The following AKAP13 variants were observed in gnomAD, a reference collection of about 807,000 sequenced individuals.
The protein encoded by AKAP13 is A-kinase anchor protein 13.
AKAP13 carries 80 observed loss-of-function variants against 264.5 expected under a neutral mutation model. That is an observed-to-expected ratio of 0.30 (90% confidence interval 0.25 to 0.36). The LOEUF (loss-of-function observed/expected upper bound fraction) is 0.36. AKAP13 is among the 10% of genes least tolerant of loss of function. The pLI is 1.00. For synonymous variants in AKAP13, 1,380 were observed against 1,250.2 expected (o/e 1.10, Z -2.19); for missense variants, 3,712 against 3,435.2 (o/e 1.08, Z -2.01).
intron 8 of AKAP13, among the ~76,000 whole-genome samples, chr15:85,633,539 T>TC (rs2081945961): frequency 5.6e-5 from 4 of 71,384 alleles, no homozygotes; most frequent in African/African-American, 1.4e-4. Flanking sequence ...TTTTTTCTTT[T>TC]TTTTTTTTTT....
intron 8 of AKAP13, 45 bp from the exon 9 acceptor site, chr15:85,639,329 A>T: frequency 7.3e-7 from 1 of 1,373,400 alleles, no homozygotes; most frequent in Non-Finnish European, 1.0e-6. Context: ...AAATTATCTC[A>T]CATTACTTCA....
intron 1 of AKAP13, among the ~76,000 whole-genome samples, chr15:85,413,071 T>C (rs2072059538): frequency 6.6e-6 from 1 of 152,230 alleles, no homozygotes; most frequent in Non-Finnish European, 1.5e-5. Flanking sequence ...GATGTTCTGC[T>C]GCCTCACAGA....
chr15:85,488,121 G>C (rs1222530124), intron 2 of AKAP13, among the ~76,000 whole-genome samples: 1 of 152,172 alleles, frequency 6.6e-6, no homozygotes, highest in Non-Finnish European at 1.5e-5. Flanking sequence ...TTGGGCTCAA[G>C]TGATCCTTCC....
At chr15:85,699,772 G>A (rs2085803156) in intron 17 of AKAP13, among the ~76,000 whole-genome samples, 1 of 152,338 alleles carries the variant, frequency 6.6e-6, no homozygotes, top group Non-Finnish European at 1.5e-5. Context: ...AAGCTTATAA[G>A]CCTTGAGGAG....
intron 8 of AKAP13, among the ~76,000 whole-genome samples, chr15:85,625,106 G>A (rs2081352381): frequency 1.3e-5 from 2 of 152,154 alleles, no homozygotes; most frequent in Non-Finnish European, 2.9e-5. Flanking sequence ...TGTATGTTTT[G>A]GTGACTTGTC....
At chr15:85,415,911 T>TG (rs2072222599) in intron 1 of AKAP13, among the ~76,000 whole-genome samples, 1 of 152,174 alleles carries the variant, frequency 6.6e-6, no homozygotes, top group South Asian at 2.1e-4. Context: ...ATGAGAGAGC[T>TG]GGTGCACTTA....
rs1450087789 is a variant in AKAP13, at chr15:85,399,519, A to ATAAAAAAAAAT, written c.-12+18721_-12+18722insTAAAAAAAAAT. Among the ~76,000 whole-genome samples, 89 of 124,546 alleles carry ATAAAAAAAAAT rather than the reference A, an allele frequency of 7.1e-4. 1 individual carries two copies. Among genetic ancestry groups the ATAAAAAAAAAT allele is most frequent in the Middle Eastern group, 3.8e-3 (1 of 264 alleles). The allele number at this position is 124,546 out of a possible 152,430, so 81.7% of individuals were successfully genotyped here. A position where few individuals can be genotyped will look rare whatever the true frequency, so the allele number is the denominator to read the frequency against. On this transcript the variant is annotated intron_variant, in intron 1 of 36. Coordinates refer to ENST00000394518, the MANE Select transcript of AKAP13 (RefSeq NM_007200.5). ...CTCCGTCTCAAAAAAAAAAAAAAAA[A>ATAAAAAAAAAT]AAATAAAAAAATAAAAAAATAAATA... is the stretch of plus-strand genomic sequence containing the variant.
intron 1 of AKAP13, among the ~76,000 whole-genome samples, chr15:85,440,923 G>T (rs1441204506): frequency 6.6e-6 from 1 of 152,106 alleles, no homozygotes; most frequent in Non-Finnish European, 1.5e-5. Context: ...TTCACTGTAG[G>T]GACTGATATA....
At chr15:85,502,214 T>C (rs1333229519) in intron 2 of AKAP13, among the ~76,000 whole-genome samples, 1 of 152,198 alleles carries the variant, frequency 6.6e-6, no homozygotes, top group Non-Finnish European at 1.5e-5. Context: ...GACACAGCTT[T>C]ACATTCCTGC....
chr15:85,597,303 G>A (rs11631018), intron 8 of AKAP13, among the ~76,000 whole-genome samples: 30,816 of 152,122 alleles, frequency 0.2, 4,142 homozygotes, highest in Middle Eastern at 0.41. Flanking sequence ...CATCATTTGT[G>A]ATGCCCAGGA....
chr15:85,734,824 A>G (rs2088321506), intron 30 of AKAP13, among the ~76,000 whole-genome samples, 168 bp from the exon 31 acceptor site: 1 of 152,214 alleles, frequency 6.6e-6, no homozygotes, highest in African/African-American at 2.4e-5. Flanking sequence ...GTAGAATCCA[A>G]CTAAAACACA....
At chr15:85,682,059 G>A (rs1331680268) in intron 14 of AKAP13, 99 bp from the exon 15 acceptor site, 4 of 1,152,096 alleles carry the variant, frequency 3.5e-6, no homozygotes, top group Non-Finnish European at 5.2e-6. Context: ...TTCACACGCT[G>A]TTTTTGCTTT....
intron 13 of AKAP13, among the ~76,000 whole-genome samples, chr15:85,665,988 A>G (rs1015751736): frequency 6.6e-6 from 1 of 152,192 alleles, no homozygotes; most frequent in African/African-American, 2.4e-5. Flanking sequence ...ATAAACATAC[A>G]TGTGCATGTG....
intron 33 of AKAP13, among the ~76,000 whole-genome samples, chr15:85,738,940 G>A (rs1210449345): frequency 6.6e-6 from 1 of 150,516 alleles, no homozygotes; most frequent in Non-Finnish European, 1.5e-5. Context: ...TACAAAAATA[G>A]TTTTACATAA....
chr15:85,720,884 T>C (rs971129497), intron 23 of AKAP13, among the ~76,000 whole-genome samples: 1 of 152,236 alleles, frequency 6.6e-6, no homozygotes, highest in African/African-American at 2.4e-5. Flanking sequence ...CTCAGGGAAC[T>C]CCTAGGAGTA....
At chr15:85,577,755 A>G in intron 6 of AKAP13, 1 of 960,410 alleles carries the variant, frequency 1.0e-6, no homozygotes, top group Non-Finnish European at 1.2e-6. Flanking sequence ...TTCTGATTTT[A>G]TCAAAAGGTG....
At chr15:85,627,404 C>T (rs1377926427) in intron 8 of AKAP13, among the ~76,000 whole-genome samples, 1 of 152,066 alleles carries the variant, frequency 6.6e-6, no homozygotes, top group Non-Finnish European at 1.5e-5. Flanking sequence ...TATGTGCTTC[C>T]CAGTCCAGGT....
chr15:85,744,054 T>A, intron 36 of AKAP13: 1 of 554,182 alleles, frequency 1.8e-6, no homozygotes, highest in East Asian at 3.0e-5. Context: ...GGTTTCATTT[T>A]CAAGGCATTA....
chr15:85,439,815 T>G lies in AKAP13; in HGVS notation c.-11-45895T>G, dbSNP rs1277861927. 5.1e-5 allele frequency among the ~76,000 whole-genome samples: 5 copies of G among 98,704 alleles called. No homozygotes were observed. The South Asian group carries it at 1.9e-3, about 38-fold the overall frequency. The allele number at this position is 98,704 out of a possible 152,430, so 64.8% of individuals were successfully genotyped here. A position where few individuals can be genotyped will look rare whatever the true frequency, so the allele number is the denominator to read the frequency against. On this transcript the variant is annotated intron_variant, in intron 1 of 36. Coordinates refer to ENST00000394518, the MANE Select transcript of AKAP13 (RefSeq NM_007200.5). ...AAGGGGAATATCACACTCTGGGGAC[T>G]GTGGTGGGGTGGGGGGAGGGGGGAG...
Sources: allele counts gnomAD v4.1 joint callset (sites outside exome capture counted in the v4.1 genomes callset), GRCh38; gene constraint gnomAD v4.1.1; transcripts MANE v1.5; gene names NCBI Gene and HGNC (gene_info 2026-07-23, HGNC 2026-07-21).